TMEM132D: variants seen among roughly 807,000 people sequenced by gnomAD.
The protein encoded by TMEM132D is transmembrane protein 132D, also known as mature OL transmembrane protein.
In TMEM132D, 21 loss-of-function variants were observed where a neutral mutation model predicts 62.3. The observed-to-expected ratio is 0.34, with a 90% confidence interval of 0.24 to 0.49. TMEM132D has a LOEUF of 0.49. TMEM132D is among the 20% of genes least tolerant of loss of function. The probability of loss-of-function intolerance (pLI) is 0.99; values close to 1 mark genes in which losing one functional copy is unlikely to be tolerated. For synonymous variants in TMEM132D, 621 were observed against 575.6 expected (o/e 1.08, Z -1.13); for missense variants, 1,346 against 1,402.8 (o/e 0.96, Z 0.65).
chr12:129,675,679 G>A (rs1457572865), intron 2 of TMEM132D, among the ~76,000 whole-genome samples: 2 of 152,202 alleles, frequency 1.3e-5, no homozygotes, highest in Non-Finnish European at 2.9e-5. Context: ...AGTTGGTAAT[G>A]TCTGGAGACA....
chr12:129,653,806 C>T (rs901595154), intron 2 of TMEM132D, among the ~76,000 whole-genome samples: 2 of 152,176 alleles, frequency 1.3e-5, no homozygotes, highest in African/African-American at 2.4e-5. Context: ...TTACGTGAGC[C>T]GGTACATTTG....
intron 1 of TMEM132D, among the ~76,000 whole-genome samples, chr12:129,859,018 A>T (rs28735842): frequency 0.38 from 19,821 of 51,772 alleles, 2,804 homozygotes; most frequent in East Asian, 0.67. Context: ...TGGGTGCCCT[A>T]GTAACGGAGT....
intron 2 of TMEM132D, among the ~76,000 whole-genome samples, chr12:129,622,112 C>G (rs1417727426): frequency 2.4e-4 from 36 of 152,254 alleles, no homozygotes; most frequent in Admixed American, 9.2e-4. Flanking sequence ...CAGAGACACA[C>G]ATAAAATCCA....
intron 5 of TMEM132D, among the ~76,000 whole-genome samples, chr12:129,151,577 C>T (rs558015879): frequency 1.1e-4 from 17 of 152,288 alleles, no homozygotes; most frequent in Middle Eastern, 3.4e-3. Context: ...GGTCACGGCG[C>T]GTGTAATATT....
chr12:129,479,426 A>T (rs552784641), intron 3 of TMEM132D, among the ~76,000 whole-genome samples: 1 of 152,118 alleles, frequency 6.6e-6, no homozygotes, highest in Non-Finnish European at 1.5e-5. Context: ...GGTGGGGGGA[A>T]TCCTGGCTGC....
At chr12:129,224,027 C>T (rs1226067654) in intron 4 of TMEM132D, among the ~76,000 whole-genome samples, 1 of 152,162 alleles carries the variant, frequency 6.6e-6, no homozygotes, top group Non-Finnish European at 1.5e-5. Context: ...TAGCATCCCT[C>T]ATCCCCCTAG....
At chr12:129,406,353 G>A (rs2398460) in intron 3 of TMEM132D, among the ~76,000 whole-genome samples, 18,111 of 152,208 alleles carry the variant, frequency 0.12, 1,560 homozygotes, top group East Asian at 0.39. Flanking sequence ...GGGCGTGGTG[G>A]CTTACGCCTG....
chr12:129,153,395 T>C (rs753598975), intron 5 of TMEM132D, among the ~76,000 whole-genome samples: 9 of 151,636 alleles, frequency 5.9e-5, no homozygotes, highest in Non-Finnish European at 1.3e-4. Context: ...CGGGCCTAAA[T>C]AGATGGGAAT....
chr12:129,391,915 C>T (rs1871300249), intron 3 of TMEM132D, among the ~76,000 whole-genome samples: 1 of 151,500 alleles, frequency 6.6e-6, no homozygotes, highest in Non-Finnish European at 1.5e-5. Flanking sequence ...CACCACCATG[C>T]CCAGCTAATT....
intron 4 of TMEM132D, among the ~76,000 whole-genome samples, chr12:129,311,176 C>A (rs1453565426): frequency 1.3e-5 from 1 of 77,526 alleles, no homozygotes; most frequent in East Asian, 7.0e-4. Flanking sequence ...CCAGCCTGGG[C>A]GACAGAGCGA....
At chr12:129,345,037 A>G (rs1029242274) in intron 3 of TMEM132D, among the ~76,000 whole-genome samples, 7 of 152,076 alleles carry the variant, frequency 4.6e-5, no homozygotes, top group Admixed American at 2.6e-4. Flanking sequence ...TCGCACACTG[A>G]AAAAACTTCT....
chr12:129,641,635 GT>G (rs1390063034), intron 2 of TMEM132D, among the ~76,000 whole-genome samples: 3 of 152,132 alleles, frequency 2.0e-5, no homozygotes, highest in Non-Finnish European at 2.9e-5. Context: ...GCCTAAGGTG[GT>G]TTCATCCAGA....
intron 1 of TMEM132D, among the ~76,000 whole-genome samples, chr12:129,790,931 G>C (rs554678471): frequency 4.6e-5 from 7 of 152,286 alleles, no homozygotes; most frequent in Middle Eastern, 3.4e-3. Flanking sequence ...CAGGCTATCT[G>C]CATCTATAAA....
intron 2 of TMEM132D, among the ~76,000 whole-genome samples, chr12:129,619,236 C>T (rs1878999728): frequency 6.6e-6 from 1 of 152,142 alleles, no homozygotes; most frequent in Non-Finnish European, 1.5e-5. Flanking sequence ...GAGGAGAGGT[C>T]CATTCAGATG....
chr12:129,366,176 C>G (rs910560081), intron 3 of TMEM132D, among the ~76,000 whole-genome samples: 1 of 152,052 alleles, frequency 6.6e-6, no homozygotes, highest in African/African-American at 2.4e-5. Context: ...TTAGTAAACA[C>G]AGTCTTAGGG....
At chr12:129,372,336 G>C (rs1046485405) in intron 3 of TMEM132D, among the ~76,000 whole-genome samples, 2 of 152,342 alleles carry the variant, frequency 1.3e-5, no homozygotes, top group South Asian at 4.1e-4. Context: ...GTTAGGAACT[G>C]GGCCACAAGG....
At chr12:129,669,617 A>T (rs1880453974) in intron 2 of TMEM132D, among the ~76,000 whole-genome samples, 1 of 152,138 alleles carries the variant, frequency 6.6e-6, no homozygotes, top group South Asian at 2.1e-4. Context: ...AGGCAGGAGA[A>T]TCACTTGAAC....
At chr12:129,608,724 C>A (rs1441272256) in intron 2 of TMEM132D, among the ~76,000 whole-genome samples, 1 of 152,156 alleles carries the variant, frequency 6.6e-6, no homozygotes, top group African/African-American at 2.4e-5. Context: ...GGCCTTTCTC[C>A]GTCTGTCATG....
intron 5 of TMEM132D, among the ~76,000 whole-genome samples, chr12:129,101,984 G>GGTT (rs1875323873): frequency 1.6e-5 from 2 of 126,950 alleles, no homozygotes; most frequent in Admixed American, 7.5e-5. Flanking sequence ...CAAAGCTGCT[G>GGTT]TTTTTTTTTT....
Sources: gnomAD v4.1 joint callset for allele counts (sites outside exome capture counted in the v4.1 genomes callset) on GRCh38, gnomAD v4.1.1 for gene constraint, MANE v1.5 for transcripts, NCBI Gene and HGNC (gene_info 2026-07-23, HGNC 2026-07-21) for gene names.